Variants in HDAC4 observed in about 807,000 individuals in gnomAD.
The protein encoded by HDAC4 is histone deacetylase 4.
In HDAC4, 16 loss-of-function variants were observed where a neutral mutation model predicts 135.1. That is an observed-to-expected ratio of 0.12 (90% CI 0.08 to 0.18). HDAC4 has a LOEUF of 0.18. Ranked by LOEUF, HDAC4 falls within the 10% of genes least tolerant of loss-of-function variation. The pLI is 1.00. For missense variants in HDAC4, 1,143 were observed against 1,511.8 expected (o/e 0.76, Z 4.05); for synonymous variants, 685 against 653.4 (o/e 1.05, Z -0.74).
intron 18 of HDAC4, among the ~76,000 whole-genome samples, chr2:239,087,864 A>C (rs1226497352): frequency 4.3e-4 from 2 of 4,618 alleles, no homozygotes; most frequent in Non-Finnish European, 7.7e-4. Flanking sequence ...CACTAGGATA[A>C]CAGGTGGGTG....
At chr2:239,168,322 TC>T (rs540923161) in intron 5 of HDAC4, among the ~76,000 whole-genome samples, 1 of 152,196 alleles carries the variant, frequency 6.6e-6, no homozygotes, top group African/African-American at 2.4e-5. Flanking sequence ...CCCTGCTCCT[TC>T]CCCGAGCTTA....
At chr2:239,378,350 C>T (rs890259340) in intron 1 of HDAC4, among the ~76,000 whole-genome samples, 2 of 152,160 alleles carry the variant, frequency 1.3e-5, no homozygotes, top group South Asian at 4.1e-4. Context: ...GGGGTCCACA[C>T]GATGATGGCC....
At chr2:239,244,331 C>T (rs2048353118) in intron 2 of HDAC4, among the ~76,000 whole-genome samples, 1 of 152,180 alleles carries the variant, frequency 6.6e-6, no homozygotes, top group Admixed American at 6.5e-5. Context: ...TCTTGGCCTG[C>T]ACCAAACTGG....
chr2:239,362,470 A>T (rs1320540363), intron 1 of HDAC4, among the ~76,000 whole-genome samples: 2 of 152,202 alleles, frequency 1.3e-5, no homozygotes, highest in Non-Finnish European at 2.9e-5. Context: ...CATTCTTCTA[A>T]AACATCTTAC....
intron 2 of HDAC4, among the ~76,000 whole-genome samples, chr2:239,327,283 C>T (rs996322237): frequency 6.6e-6 from 1 of 152,152 alleles, no homozygotes; most frequent in South Asian, 2.1e-4. Flanking sequence ...CTCGGCTGAG[C>T]CAATGGCATG....
At chr2:239,394,798 T>C (rs1045887616) in intron 1 of HDAC4, among the ~76,000 whole-genome samples, 1 of 152,218 alleles carries the variant, frequency 6.6e-6, no homozygotes, top group Non-Finnish European at 1.5e-5. Flanking sequence ...ACTCATCCAT[T>C]CATTCATTCA....
Position 239,111,536 on chromosome 2 carries a change from C to A in HDAC4, c.1968G>T (p.Arg656Ser). Residue 656 changes from arginine to serine, a missense_variant, in exon 14 of 27, where the codon AGG becomes AGT. Transcript: ENST00000543185. ...AAGGCCACGTGTTACCTGTCGTGAACCTCGGCTTGGTGGGGGGCTCCTGCA... is the reference window on the plus strand; with the variant it reads ...AAGGCCACGTGTTACCTGTCGTGAAACTCGGCTTGGTGGGGGGCTCCTGCA... ...VSVQEPPTKP[R>S]FTTGLVYDTL... 6.2e-7 allele frequency: 1 copy of A among 1,612,274 alleles called. No homozygotes were observed. Among genetic ancestry groups the A allele is most frequent in the South Asian group, 1.1e-5 (1 of 90,888 alleles).
At chr2:239,302,803 A>G (rs1323033650) in intron 2 of HDAC4, among the ~76,000 whole-genome samples, 1 of 152,124 alleles carries the variant, frequency 6.6e-6, no homozygotes, top group Non-Finnish European at 1.5e-5. Flanking sequence ...AGAACTGCTC[A>G]CTCTTGAGAA....
intron 3 of HDAC4, among the ~76,000 whole-genome samples, chr2:239,229,458 T>A (rs1422863038): frequency 6.6e-6 from 1 of 152,220 alleles, no homozygotes; most frequent in African/African-American, 2.4e-5. Context: ...TTTCAGATTT[T>A]TCAAATGTTG....
At chr2:239,082,510 C>T (rs2035441644) in intron 20 of HDAC4, among the ~76,000 whole-genome samples, 1 of 152,236 alleles carries the variant, frequency 6.6e-6, no homozygotes, top group African/African-American at 2.4e-5. Context: ...GCCGATGGGG[C>T]TGGAGTTCAG....
rs1258471684 is a variant in HDAC4 at position 239,352,757 on chromosome 2, C to T, written c.-58G>A. The T allele has an allele frequency of 6.0e-6, 9 of 1,502,638 alleles. No homozygotes were observed. Among genetic ancestry groups the T allele is most frequent in the Non-Finnish European group, 7.3e-6 (8 of 1,102,326 alleles). The allele number at this position is 1,502,638 out of a possible 1,614,324, so 93.1% of individuals were successfully genotyped here. The stretch of plus-strand genomic sequence containing the variant: ...AAATGGCTCAAAATTTCCACGGAAA[C>T]GATAGCTCCAACGAGCTCCAAACTC... On this transcript the variant is annotated 5_prime_UTR_variant, in exon 2 of 27. Transcript: ENST00000543185. This position sits in a 1 kb window ranked among gnomAD's most constrained non-coding sequence, Gnocchi z 4.4.
At chr2:239,094,757 T>C in intron 17 of HDAC4, 1 of 1,348,188 alleles carries the variant, frequency 7.4e-7, no homozygotes, top group Non-Finnish European at 9.6e-7. Context: ...TCCTGTTTCT[T>C]AAAGCGAGAG....
rs2052790596 is a variant in HDAC4 at position 239,309,923 on chromosome 2, T to C, written c.22+42755A>G. On this transcript the variant is annotated intron_variant, in intron 2 of 26. Coordinates refer to ENST00000543185, the MANE Select transcript of HDAC4 (RefSeq NM_001378414.1). The surrounding 1 kb of genome is among the most constrained non-coding windows in gnomAD (Gnocchi z 4.2). ...TGCTGCTGCCTGGTCCCATGGGGCA[T>C]GAAGGGAGGGTGGCCAGGGTGGCCC... 6.6e-6 allele frequency among the ~76,000 whole-genome samples: 1 copy of C among 152,130 alleles called. No individual in the cohort carries two copies. Among genetic ancestry groups the C allele is most frequent in the African/African-American group, 2.4e-5 (1 of 41,412 alleles).
chr2:239,052,968 G>T lies in HDAC4; in HGVS notation c.*129C>A. Reference sequence around the variant, plus strand: ...GGCAGAAAGGCTTCCCGTGGCTGTTGCACGCTGGGTGTCCCTGGGTGCTCC... The same window carrying T: ...GGCAGAAAGGCTTCCCGTGGCTGTTTCACGCTGGGTGTCCCTGGGTGCTCC... On this transcript the variant is annotated 3_prime_UTR_variant, in exon 27 of 27. Transcript: ENST00000543185. 1.8e-6 allele frequency: 2 copies of T among 1,101,278 alleles called. No individual in the cohort carries two copies. Among genetic ancestry groups the T allele is most frequent in the Non-Finnish European group, 2.8e-6 (2 of 715,962 alleles). The allele number at this position is 1,101,278 out of a possible 1,614,324, so 68.2% of individuals were successfully genotyped here.
At chr2:239,320,664 C>A (rs1351672239) in intron 2 of HDAC4, among the ~76,000 whole-genome samples, 1 of 152,086 alleles carries the variant, frequency 6.6e-6, no homozygotes, top group African/African-American at 2.4e-5. Flanking sequence ...TTTTCTGAAT[C>A]TTTTTGAGTC....
chr2:239,292,406 G>A (rs1335643144), intron 2 of HDAC4, among the ~76,000 whole-genome samples: 1 of 152,218 alleles, frequency 6.6e-6, no homozygotes, highest in Non-Finnish European at 1.5e-5. Context: ...GAGAGCTTCT[G>A]CACTGAGATG....
intron 4 of HDAC4, among the ~76,000 whole-genome samples, chr2:239,186,058 A>C (rs1420291590): frequency 1.3e-5 from 2 of 152,054 alleles, no homozygotes; most frequent in African/African-American, 4.8e-5. Flanking sequence ...ACAAAAACAC[A>C]GAAGTGCAAG....
At chr2:239,188,975 C>T (rs372465570) in intron 4 of HDAC4, among the ~76,000 whole-genome samples, 9 of 152,366 alleles carry the variant, frequency 5.9e-5, no homozygotes, top group East Asian at 3.9e-4. Context: ...ACCCCATCAG[C>T]GAAGCTGCTC....
Position 239,068,004 on chromosome 2 carries a change from C to T in HDAC4, c.2869+485G>A, listed in dbSNP as rs1375940375. Among the ~76,000 whole-genome samples, 1 of 152,166 alleles carries T rather than the reference C, an allele frequency of 6.6e-6. No individual in the cohort carries two copies. The highest frequency in any genetic ancestry group is 1.5e-5 in the Non-Finnish European group (1 of 68,018). On this transcript the variant is annotated intron_variant, in intron 23 of 26. Transcript: ENST00000543185. The surrounding 1 kb of genome is among the most constrained non-coding windows in gnomAD (Gnocchi z 4.4). ...ACAGCAGGAGCACTGCTGGGCAGTC[C>T]CTCCTCCCATCCTGACAGCATGGCC... is the stretch of plus-strand genomic sequence containing the variant.
Sources: allele counts gnomAD v4.1 joint callset (sites outside exome capture counted in the v4.1 genomes callset), GRCh38; gene constraint gnomAD v4.1.1; non-coding constraint Gnocchi (gnomAD v3.1); transcripts MANE v1.5; gene names NCBI Gene and HGNC (gene_info 2026-07-23, HGNC 2026-07-21).